Variants in MYO18A observed in about 807,000 individuals in gnomAD.
MYO18A encodes the protein unconventional myosin-XVIIIa.
A neutral mutation model predicts 235.8 loss-of-function variants in MYO18A; 78 were observed. The observed-to-expected ratio is 0.33, with a 90% CI of 0.28 to 0.40. The LOEUF is 0.40. Ranked by LOEUF, MYO18A falls within the 10% of genes least tolerant of loss-of-function variation. The pLI is 1.00. For synonymous variants in MYO18A, 977 were observed against 1,077.8 expected (o/e 0.91, Z 1.83); for missense variants, 2,215 against 2,699.3 (o/e 0.82, Z 3.98).
chr17:29,160,029 G>A (rs906497438), intron 2 of MYO18A, among the ~76,000 whole-genome samples: 2 of 152,206 alleles, frequency 1.3e-5, no homozygotes, highest in Admixed American at 1.3e-4. Context: ...GCAAGGATGG[G>A]TGAACACTAG....
chr17:29,115,979 C>G (rs771483319), intron 11 of MYO18A, 139 bp from the exon 12 acceptor site: 3 of 869,484 alleles, frequency 3.5e-6, no homozygotes, highest in East Asian at 2.7e-5. Context: ...TCAGGCAGAA[C>G]AGGGGCAGCC....
At chr17:29,116,404 C>T in intron 11 of MYO18A, 40 bp downstream of exon 11, 1 of 1,613,594 alleles carries the variant, frequency 6.2e-7, no homozygotes, top group Non-Finnish European at 8.5e-7. Context: ...TGTGTCTAAT[C>T]ACGGCAATTA....
chr17:29,128,430 T>C, intron 2 of MYO18A: 3 of 1,289,468 alleles, frequency 2.3e-6, no homozygotes, highest in Non-Finnish European at 3.0e-6. Context: ...GGGCCGTTCA[T>C]GGCGAGTGTG....
chr17:29,119,487 T>C, intron 7 of MYO18A, 52 bp from the exon 8 acceptor site: 1 of 1,391,684 alleles, frequency 7.2e-7, no homozygotes, highest in Non-Finnish European at 1.0e-6. Context: ...AGATCAAGTT[T>C]CTCCCACCCC....
At chr17:29,081,482 G>GC (rs1194070843) in intron 41 of MYO18A, among the ~76,000 whole-genome samples, 6 of 152,172 alleles carry the variant, frequency 3.9e-5, no homozygotes, top group Non-Finnish European at 5.9e-5. Context: ...CCTTGGGGGA[G>GC]CTGGAGAAGG....
At chr17:29,128,287 T>TGG in intron 2 of MYO18A, 1 of 1,195,060 alleles carries the variant, frequency 8.4e-7, no homozygotes, top group South Asian at 1.5e-5. Context: ...CTCCTCTGCC[T>TGG]GGGGTCTCCT....
chr17:29,154,121 T>TGTGTGTGTGTGTGTGTGTGTGCGCGC (rs142430455), intron 2 of MYO18A, among the ~76,000 whole-genome samples: 31 of 149,104 alleles, frequency 2.1e-4, no homozygotes, highest in Middle Eastern at 6.9e-3. Context: ...TGTGTGTGTG[T>TGTGTGTGTGTGTGTGTGTGTGCGCGC]GCGCGCGCGT....
rs987136976 is a variant in MYO18A at position 29,117,687 on chromosome 17, T to C, written c.2038+358A>G. ...ACCCAAGGGCGGGGCCAAGGTCAGT[T>C]ACCCGCTTGCTCCTCGGGGGCCTCT... On this transcript the variant is annotated intron_variant, in intron 10 of 41. Transcript: ENST00000527372. The surrounding 1 kb of genome is among the most constrained non-coding windows in gnomAD (Gnocchi z 4.6). Among the ~76,000 whole-genome samples the C allele has an allele frequency of 6.6e-6, 1 of 152,110 alleles. No homozygotes were observed. Among genetic ancestry groups the C allele is most frequent in the African/African-American group, 2.4e-5 (1 of 41,430 alleles).
At chr17:29,167,774 T>C (rs557512648) in intron 1 of MYO18A, among the ~76,000 whole-genome samples, 1 of 150,978 alleles carries the variant, frequency 6.6e-6, no homozygotes, top group East Asian at 1.9e-4. Context: ...CCACAGACAA[T>C]GTTCGTTTAA....
chr17:29,176,051 CCTT>C (rs918441114), intron 1 of MYO18A, among the ~76,000 whole-genome samples: 3 of 152,004 alleles, frequency 2.0e-5, no homozygotes, highest in Admixed American at 1.3e-4. Context: ...GAGCGAGACT[CCTT>C]CTCAAAAAAA....
intron 2 of MYO18A, among the ~76,000 whole-genome samples, chr17:29,135,527 C>T (rs977517872): frequency 3.3e-5 from 5 of 152,222 alleles, no homozygotes; most frequent in African/African-American, 1.2e-4. Context: ...AGTTAATGTG[C>T]TAGAGACTTT....
rs921887987 is a variant in MYO18A at position 29,140,350 on chromosome 17, T to C, written c.1000-18097A>G. The C allele has an allele frequency of 7.8e-7, 1 of 1,278,646 alleles. No homozygotes were observed. The highest frequency in any genetic ancestry group is 2.4e-5 in the Admixed American group (1 of 41,004). 79.2% of individuals were successfully genotyped at this position (1,278,646 alleles called of 1,614,324 possible). A position where few individuals can be genotyped will look rare whatever the true frequency, so the allele number is the denominator to read the frequency against. Reference sequence around the variant, plus strand: ...CAGAGGGACACTCACCCGCATGGCCTGGCCTGGAGCAGCCCAGAGCAAGGA... The same window carrying C: ...CAGAGGGACACTCACCCGCATGGCCCGGCCTGGAGCAGCCCAGAGCAAGGA... On this transcript the variant is annotated intron_variant, in intron 2 of 41. Coordinates refer to ENST00000527372, the MANE Select transcript of MYO18A (RefSeq NM_078471.4). This position sits in a 1 kb window ranked among gnomAD's most constrained non-coding sequence, Gnocchi z 4.2.
chr17:29,090,579 C>A lies in MYO18A; in HGVS notation c.5341G>T (p.Ala1781Ser). Reference protein sequence around the residue: ...RDLAQINDLQAQLEEANKEKQ... With the variant: ...RDLAQINDLQSQLEEANKEKQ... ...TCTTTGTTGGCTTCTTCTAGCTGAG[C>A]TTGGAGATCATTTATCTGAGCCAGG... Residue 1781 changes from alanine (A) to serine (S), a missense_variant, in exon 36 of 42, where the codon GCT becomes TCT. Coordinates refer to ENST00000527372, the MANE Select transcript of MYO18A (RefSeq NM_078471.4). 1.2e-6 allele frequency: 2 copies of A among 1,601,268 alleles called. No individual in the cohort carries two copies. The highest frequency in any genetic ancestry group is 1.7e-6 in the Non-Finnish European group (2 of 1,173,346).
chr17:29,164,447 G>C (rs901453072), intron 2 of MYO18A, among the ~76,000 whole-genome samples: 6 of 152,196 alleles, frequency 3.9e-5, no homozygotes, highest in Non-Finnish European at 7.3e-5. Context: ...CTGACAGTCT[G>C]ACCCTACCAC....
rs375653114 is a variant in MYO18A, at chr17:29,095,018, C to T, written c.4427G>A (p.Arg1476Gln). 1.5e-4 allele frequency: 237 copies of T among 1,576,792 alleles called. No homozygotes were observed. Among genetic ancestry groups the T allele is most frequent in the Non-Finnish European group, 1.9e-4 (222 of 1,160,384 alleles). The change falls in exon 29 of 42, where the codon CGG (arginine) becomes CAG (glutamine). Residue 1476 changes from arginine (R) to glutamine (Q), a missense_variant. Physicochemically the swap from Arg to Gln is conservative, Grantham distance 43. Transcript: ENST00000527372. ...ELSQAHEEAQREKLQREKLQR... is the reference protein window; with the variant it reads ...ELSQAHEEAQQEKLQREKLQR... Reference sequence around the variant, plus strand: ...CAGCTTCTCCCGCTGCAGCTTCTCCCGCTGGGCCTCCTCATGCGCCTGCGA... The same window carrying T: ...CAGCTTCTCCCGCTGCAGCTTCTCCTGCTGGGCCTCCTCATGCGCCTGCGA...
Position 29,109,715 on chromosome 17 carries a change from TGAG to T in MYO18A, c.3331+140_3331+142del. On this transcript the variant is annotated intron_variant, in intron 19 of 41. Coordinates refer to ENST00000527372, the MANE Select transcript of MYO18A (RefSeq NM_078471.4). The surrounding 1 kb of genome is among the most constrained non-coding windows in gnomAD (Gnocchi z 4.1). ...CAAAGGGGCTGTGGGCTGGGAGAGA[TGAG>T]GAGAGACCAGAGCAGAAAGGATCGT... The T allele has an allele frequency of 1.9e-6, 2 of 1,068,018 alleles. No individual in the cohort carries two copies. Among genetic ancestry groups the T allele is most frequent in the Non-Finnish European group, 2.7e-6 (2 of 744,884 alleles). The allele number at this position is 1,068,018 out of a possible 1,614,324, so 66.2% of individuals were successfully genotyped here.
At position 29,085,606 on chromosome 17, in the gene MYO18A, T is replaced by C. The variant is rs2066235330; in HGVS notation, c.5895A>G (p.Lys1965=). 6.2e-7 allele frequency: 1 copy of C among 1,613,890 alleles called. No individual in the cohort carries two copies. The highest frequency in any genetic ancestry group is 1.3e-5 in the African/African-American group (1 of 75,004). Residue 1965 remains lysine (K), a splice_region_variant and synonymous_variant, in exon 40 of 42, where the codon AAA becomes AAG. Coordinates refer to ENST00000527372, the MANE Select transcript of MYO18A (RefSeq NM_078471.4). ...AGCACATGCGCTCCAGTCCTCACAGTTTATTCTTTCTTTTCTGATACTTTG... is the reference window on the plus strand; with the variant it reads ...AGCACATGCGCTCCAGTCCTCACAGCTTATTCTTTCTTTTCTGATACTTTG... ...MVTKYQKRKN[K]LEGDSDVDSE...
intron 22 of MYO18A, 52 bp downstream of exon 22, chr17:29,099,582 T>C: frequency 6.3e-7 from 1 of 1,586,876 alleles, no homozygotes. Context: ...CCCAGGAACT[T>C]GGCTGTGCCC....
chr17:29,122,074 C>T, intron 3 of MYO18A, 92 bp downstream of exon 3: 2 of 1,522,930 alleles, frequency 1.3e-6, no homozygotes, highest in Non-Finnish European at 1.8e-6. Flanking sequence ...TTGCTCACTG[C>T]TCAGCCCTCA....
Sources: gnomAD v4.1 joint callset for allele counts (sites outside exome capture counted in the v4.1 genomes callset) on GRCh38, gnomAD v4.1.1 for gene constraint, Gnocchi (gnomAD v3.1) non-coding constraint, MANE v1.5 for transcripts, NCBI Gene and HGNC (gene_info 2026-07-23, HGNC 2026-07-21) for gene names.